ZDHHC21: variants seen among roughly 807,000 people sequenced by gnomAD.
ZDHHC21 encodes the protein zDHHC palmitoyltransferase 21, also known as palmitoyltransferase ZDHHC21.
A neutral mutation model predicts 34.6 loss-of-function variants in ZDHHC21; 15 were observed. The ratio of observed to expected loss-of-function variants is 0.43; its 90% CI spans 0.29 to 0.67. ZDHHC21 has a LOEUF of 0.67. ZDHHC21 is among the 30% of genes least tolerant of loss of function. The pLI, the probability that ZDHHC21 is intolerant of heterozygous loss-of-function variation, is 0.14. For synonymous variants in ZDHHC21, 142 were observed against 101.8 expected (o/e 1.40, Z -2.38); for missense variants, 344 against 327.7 (o/e 1.05, Z -0.38).
In ZDHHC21 at chr9:14,662,475, C is replaced by T. The variant is rs549233797; in HGVS notation, c.254-149G>A. 11 of 573,768 alleles carry T rather than the reference C, an allele frequency of 1.9e-5. 1 individual carries two copies. The South Asian group carries it at 2.4e-4, about 12-fold the overall frequency. 35.5% of individuals were successfully genotyped at this position (573,768 alleles called of 1,614,324 possible). A position where few individuals can be genotyped will look rare whatever the true frequency, so the allele number is the denominator to read the frequency against. ...AAGCCTTTGGTATAAATGTGTTTGCCATAAATGCTGCTGTTCTATTCTACA... is the reference window on the plus strand; with the variant it reads ...AAGCCTTTGGTATAAATGTGTTTGCTATAAATGCTGCTGTTCTATTCTACA... On this transcript the variant is annotated intron_variant, in intron 5 of 9. Transcript: ENST00000380916.
rs7848690 is a variant in ZDHHC21, at chr9:14,623,614, A to G, written c.622-3932T>C. ...TACATCTGACAAGGGGTTAATACCC[A>G]GAATACATAAGGAACACAAACAACT... On this transcript the variant is annotated intron_variant, in intron 8 of 9. Coordinates refer to ENST00000380916, the MANE Select transcript of ZDHHC21 (RefSeq NM_178566.6). Among the ~76,000 whole-genome samples the G allele has an allele frequency of 3.0e-3, 451 of 150,268 alleles. 1 individual carries two copies. Among genetic ancestry groups the G allele is most frequent in the East Asian group, 0.029 (150 of 5,104 alleles).
chr9:14,675,506 A>G (rs1239502478), intron 3 of ZDHHC21, among the ~76,000 whole-genome samples: 1 of 151,910 alleles, frequency 6.6e-6, no homozygotes, highest in Non-Finnish European at 1.5e-5. Flanking sequence ...AAGAGTCTGA[A>G]AACAGCTGAC....
the ZDHHC21 span, among the ~76,000 whole-genome samples, chr9:14,601,945 A>G: frequency 6.6e-6 from 1 of 152,110 alleles, no homozygotes; most frequent in East Asian, 1.9e-4. Flanking sequence ...GAGTTGAACA[A>G]TGAAAATATA....
intron 1 of ZDHHC21, among the ~76,000 whole-genome samples, chr9:14,692,380 T>A (rs1351323414): frequency 1.3e-5 from 2 of 152,194 alleles, no homozygotes; most frequent in South Asian, 4.1e-4. Flanking sequence ...TGCACTTAAT[T>A]ATCCTTAGTC....
intron 8 of ZDHHC21, among the ~76,000 whole-genome samples, chr9:14,638,802 AC>A (rs1426273981): frequency 6.6e-6 from 1 of 152,126 alleles, no homozygotes. Context: ...GCAAGTCAAA[AC>A]CACAATAACA....
chr9:14,652,862 G>A (rs1831467441), intron 7 of ZDHHC21, among the ~76,000 whole-genome samples: 1 of 151,920 alleles, frequency 6.6e-6, no homozygotes, highest in Admixed American at 6.6e-5. Flanking sequence ...AGAAAAACAA[G>A]AAAGTTAACA....
At chr9:14,663,970 A>G (rs1434512324) in intron 5 of ZDHHC21, among the ~76,000 whole-genome samples, 4 of 152,170 alleles carry the variant, frequency 2.6e-5, no homozygotes, top group Admixed American at 2.6e-4. Context: ...GCTCCCAAAC[A>G]TCCCAGTGTT....
At position 14,619,089 on chromosome 9, in the gene ZDHHC21, G is replaced by GC; in HGVS notation, c.674_675insG (p.Arg226ProfsTer115). 1 of 1,608,790 alleles carries GC rather than the reference G, an allele frequency of 6.2e-7. No individual in the cohort carries two copies. The highest frequency in any genetic ancestry group is 8.5e-7 in the Non-Finnish European group (1 of 1,177,636). ...AGAAGGTCTGCTGCCATGGCTTTCG[G>GC]GGCCTCGATCTACAGAAGACAGCAT... On this transcript the variant is annotated frameshift_variant, in exon 10 of 10. Coordinates refer to ENST00000380916, the MANE Select transcript of ZDHHC21 (RefSeq NM_178566.6). LOFTEE classifies it high-confidence loss of function.
Position 14,693,299 on chromosome 9 carries a change from C to G in ZDHHC21, c.-295G>C, listed in dbSNP as rs1486896574. ...CAGCAGCTCTTTCCCCTCCTCCTGC[C>G]GCGCCACCTCCGCCTCCTCCGGCGC... is the stretch of plus-strand genomic sequence containing the variant. On this transcript the variant is annotated 5_prime_UTR_variant, in exon 1 of 10. Transcript: ENST00000380916. 2 of 418,722 alleles carry G rather than the reference C, an allele frequency of 4.8e-6. No homozygotes were observed. Among genetic ancestry groups the G allele is most frequent in the South Asian group, 1.6e-5 (1 of 60,900 alleles). 25.9% of individuals were successfully genotyped at this position (418,722 alleles called of 1,614,324 possible).
At position 14,632,552 on chromosome 9, in the gene ZDHHC21, G is replaced by GAT. The variant is rs1827557375; in HGVS notation, c.621+7342_621+7343dup. Among the ~76,000 whole-genome samples the GAT allele has an allele frequency of 7.1e-3, 69 of 9,710 alleles. 5 individuals carry two copies. The highest frequency in any genetic ancestry group is 0.014 in the African/African-American group (12 of 854). The allele number at this position is 9,710 out of a possible 152,430, so 6.4% of individuals were successfully genotyped here. A position where few individuals can be genotyped will look rare whatever the true frequency, so the allele number is the denominator to read the frequency against. On this transcript the variant is annotated intron_variant, in intron 8 of 9. Coordinates refer to ENST00000380916, the MANE Select transcript of ZDHHC21 (RefSeq NM_178566.6). Reference sequence around the variant, plus strand: ...CCTTGGATTAGGCAATGGTATCTTAGATATGACACAAAAAGCATATACTAC... The same window carrying GAT: ...CCTTGGATTAGGCAATGGTATCTTAGATATATGACACAAAAAGCATATACTAC...
chr9:14,619,095 C>CCGA lies in ZDHHC21; in HGVS notation c.668_669insTCG (p.Arg224dup). 6.2e-7 allele frequency: 1 copy of CCGA among 1,606,244 alleles called. No individual in the cohort carries two copies. The highest frequency in any genetic ancestry group is 8.5e-7 in the Non-Finnish European group (1 of 1,176,562). On this transcript the variant is annotated inframe_insertion, in exon 10 of 10. Transcript: ENST00000380916. ...TCTGCTGCCATGGCTTTCGGGGCCT[C>CCGA]GATCTACAGAAGACAGCATTATTAG... is the stretch of plus-strand genomic sequence containing the variant.
intron 2 of ZDHHC21, among the ~76,000 whole-genome samples, chr9:14,689,577 T>C (rs1009312763): frequency 6.6e-6 from 1 of 152,190 alleles, no homozygotes; most frequent in Admixed American, 6.5e-5. Context: ...ACCAGTCTCA[T>C]GAGTGAAAAA....
intron 8 of ZDHHC21, among the ~76,000 whole-genome samples, chr9:14,626,289 C>T (rs1156884300): frequency 6.6e-6 from 1 of 151,916 alleles, no homozygotes; most frequent in Non-Finnish European, 1.5e-5. Flanking sequence ...CTGCTTTCTG[C>T]AGTCCTATGT....
At chr9:14,598,278 G>A in the ZDHHC21 span, among the ~76,000 whole-genome samples, 6 of 152,052 alleles carry the variant, frequency 3.9e-5, no homozygotes, top group African/African-American at 9.7e-5. Flanking sequence ...CTCCAGCAAA[G>A]CCTCACCACA....
chr9:14,660,989 G>C (rs992479143), intron 6 of ZDHHC21, among the ~76,000 whole-genome samples: 1 of 152,108 alleles, frequency 6.6e-6, no homozygotes, highest in Admixed American at 6.5e-5. Context: ...AGAGCAAACA[G>C]ATCACTGAGC....
In ZDHHC21 at chr9:14,614,950, T is replaced by C. The variant is rs145933208; in HGVS notation, c.*4016A>G. On this transcript the variant is annotated 3_prime_UTR_variant, in exon 10 of 10. Coordinates refer to ENST00000380916, the MANE Select transcript of ZDHHC21 (RefSeq NM_178566.6). ...CTATAGGTTATTAAACTTGGTAAAC[T>C]TGAGCTAAGTAATCTATTGATACAG... is the stretch of plus-strand genomic sequence containing the variant. 144 of 151,798 alleles carry C rather than the reference T, an allele frequency of 9.5e-4. 1 individual carries two copies. The highest frequency in any genetic ancestry group is 3.4e-3 in the African/African-American group (140 of 41,534). 9.4% of individuals were successfully genotyped at this position (151,798 alleles called of 1,614,324 possible).
rs1446538996 is a variant in ZDHHC21 at position 14,667,530 on chromosome 9, G to C, written c.254-5204C>G. 9.6e-4 allele frequency among the ~76,000 whole-genome samples: 129 copies of C among 134,624 alleles called. 1 individual carries two copies. Among genetic ancestry groups the C allele is most frequent in the African/African-American group, 3.3e-3 (118 of 35,502 alleles). The allele number at this position is 134,624 out of a possible 152,430, so 88.3% of individuals were successfully genotyped here. A position where few individuals can be genotyped will look rare whatever the true frequency, so the allele number is the denominator to read the frequency against. On this transcript the variant is annotated intron_variant, in intron 5 of 9. Transcript: ENST00000380916. ...CCAGCATCATTCTGATACCAAAGCC[G>C]GGCAGAGACACAACCAAAAAAGAGA...
intron 9 of ZDHHC21, 32 bp from the exon 10 acceptor site, chr9:14,619,130 G>A (rs1483248238): frequency 1.3e-6 from 2 of 1,576,438 alleles, no homozygotes; most frequent in South Asian, 1.2e-5. Context: ...GTGAAAGACA[G>A]CACTCCCATG....
At chr9:14,669,479 T>C (rs1173352617) in intron 5 of ZDHHC21, among the ~76,000 whole-genome samples, 1 of 150,760 alleles carries the variant, frequency 6.6e-6, no homozygotes, top group African/African-American at 2.4e-5. Flanking sequence ...GAAATACCAT[T>C]TGACCCAGCC....
Sources: gnomAD v4.1 joint callset for allele counts (sites outside exome capture counted in the v4.1 genomes callset) on GRCh38, gnomAD v4.1.1 for gene constraint, MANE v1.5 for transcripts, NCBI Gene and HGNC (gene_info 2026-07-23, HGNC 2026-07-21) for gene names.